CCDC85A: variants seen among roughly 807,000 people sequenced by gnomAD.
The protein encoded by CCDC85A is coiled-coil domain containing 85A.
CCDC85A carries 38 observed loss-of-function variants against 50.2 expected under a neutral mutation model. That is an observed-to-expected ratio of 0.76 (90% confidence interval 0.58 to 0.99). The LOEUF is 0.99. CCDC85A is among the 50% of genes least tolerant of loss of function. CCDC85A has a pLI of 0.00. For synonymous variants in CCDC85A, 366 were observed against 301.4 expected (o/e 1.21, Z -2.22); for missense variants, 820 against 742.0 (o/e 1.11, Z -1.22).
chr2:56,258,525 A>G (rs925120805), intron 2 of CCDC85A, among the ~76,000 whole-genome samples: 1 of 152,160 alleles, frequency 6.6e-6, no homozygotes, highest in Non-Finnish European at 1.5e-5. Context: ...GAGAGAGTCT[A>G]CCAGACTTGG....
intron 2 of CCDC85A, among the ~76,000 whole-genome samples, chr2:56,296,509 A>G (rs376971009): frequency 1.3e-5 from 2 of 152,100 alleles, no homozygotes; most frequent in Non-Finnish European, 1.5e-5. Context: ...TTTTACTTAC[A>G]TGGAGGTGAT....
At chr2:56,228,159 A>G (rs969929807) in intron 2 of CCDC85A, among the ~76,000 whole-genome samples, 8 of 152,170 alleles carry the variant, frequency 5.3e-5, no homozygotes, top group African/African-American at 1.9e-4. Flanking sequence ...TTTTCTGGCC[A>G]TGTCACCTAC....
At chr2:56,205,187 A>G (rs1214674632) in intron 2 of CCDC85A, among the ~76,000 whole-genome samples, 1 of 152,078 alleles carries the variant, frequency 6.6e-6, no homozygotes, top group Admixed American at 6.6e-5. Context: ...TTTGTACTAG[A>G]TGGGAGAGTG....
chr2:56,198,778 A>G (rs1290106639), intron 2 of CCDC85A, among the ~76,000 whole-genome samples: 1 of 152,204 alleles, frequency 6.6e-6, no homozygotes, highest in African/African-American at 2.4e-5. Flanking sequence ...TCTTTTTCCT[A>G]TGGAGATTGC....
chr2:56,252,806 G>T (rs1669824740), intron 2 of CCDC85A, among the ~76,000 whole-genome samples: 1 of 152,040 alleles, frequency 6.6e-6, no homozygotes, highest in Non-Finnish European at 1.5e-5. Context: ...TTGGTTTTCT[G>T]TTCTTGTGTT....
chr2:56,337,510 T>G (rs1674132169), intron 2 of CCDC85A, among the ~76,000 whole-genome samples: 1 of 152,184 alleles, frequency 6.6e-6, no homozygotes, highest in Non-Finnish European at 1.5e-5. Context: ...TTCTTTTCCG[T>G]CATGTGATTC....
chr2:56,249,374 A>G (rs1374856541), intron 2 of CCDC85A, among the ~76,000 whole-genome samples: 1 of 152,246 alleles, frequency 6.6e-6, no homozygotes, highest in African/African-American at 2.4e-5. Flanking sequence ...GGCCATGCCC[A>G]GTGAGATGCT....
At chr2:56,363,718 T>C (rs1675651440) in intron 3 of CCDC85A, among the ~76,000 whole-genome samples, 1 of 152,226 alleles carries the variant, frequency 6.6e-6, no homozygotes, top group East Asian at 1.9e-4. Context: ...TCTAGTTCTG[T>C]GCATGTGTTC....
At chr2:56,198,731 G>A (rs374856791) in intron 2 of CCDC85A, among the ~76,000 whole-genome samples, 1 of 152,164 alleles carries the variant, frequency 6.6e-6, no homozygotes, top group African/African-American at 2.4e-5. Context: ...ATAGCACAAT[G>A]CTATAAATGT....
rs191582820 is a variant in CCDC85A at position 56,303,085 on chromosome 2, C to T, written c.1241-39794C>T. Among the ~76,000 whole-genome samples the T allele has an allele frequency of 2.8e-3, 429 of 152,288 alleles. 4 individuals carry two copies. The highest frequency in any genetic ancestry group is 1.0e-2 in the African/African-American group (415 of 41,556). On this transcript the variant is annotated intron_variant, in intron 2 of 5. Transcript: ENST00000407595. Reference sequence around the variant, plus strand: ...ACTGTGGCTTCTTTGAATGGACTTGCTGATTTCTCCGACCTCATCCTCATC... The same window carrying T: ...ACTGTGGCTTCTTTGAATGGACTTGTTGATTTCTCCGACCTCATCCTCATC...
At chr2:56,231,304 C>T (rs895454992) in intron 2 of CCDC85A, among the ~76,000 whole-genome samples, 9 of 152,162 alleles carry the variant, frequency 5.9e-5, no homozygotes, top group Non-Finnish European at 1.0e-4. Flanking sequence ...TAAGGTGCTG[C>T]GGCCTTTTAT....
intron 3 of CCDC85A, among the ~76,000 whole-genome samples, chr2:56,363,050 G>C (rs1161191213): frequency 6.6e-6 from 1 of 152,078 alleles, no homozygotes; most frequent in East Asian, 1.9e-4. Context: ...TTTTGAATAT[G>C]ATTCAGTTAA....
At chr2:56,276,088 T>C (rs1670924010) in intron 2 of CCDC85A, among the ~76,000 whole-genome samples, 1 of 152,160 alleles carries the variant, frequency 6.6e-6, no homozygotes, top group South Asian at 2.1e-4. Flanking sequence ...GAGGGAATTT[T>C]ACATCACATG....
chr2:56,370,686 G>T (rs17190219), intron 3 of CCDC85A, among the ~76,000 whole-genome samples: 11,866 of 152,116 alleles, frequency 0.078, 596 homozygotes, highest in Non-Finnish European at 0.11. Flanking sequence ...GTAGCTAAAT[G>T]GCGCTCATGC....
intron 2 of CCDC85A, among the ~76,000 whole-genome samples, chr2:56,274,584 T>C (rs952311786): frequency 6.6e-6 from 1 of 152,194 alleles, no homozygotes; most frequent in African/African-American, 2.4e-5. Context: ...GCAATCTGCT[T>C]CACTTAAAAT....
At chr2:56,264,471 C>CAA (rs1335942873) in intron 2 of CCDC85A, among the ~76,000 whole-genome samples, 1 of 152,146 alleles carries the variant, frequency 6.6e-6, no homozygotes, top group East Asian at 1.9e-4. Context: ...AAACCACCTG[C>CAA]AAATCCTTTC....
At chr2:56,374,886 G>T (rs965459594) in intron 4 of CCDC85A, among the ~76,000 whole-genome samples, 1 of 152,192 alleles carries the variant, frequency 6.6e-6, no homozygotes, top group Non-Finnish European at 1.5e-5. Flanking sequence ...CGGGGTGTTA[G>T]ATTGATAGAA....
In CCDC85A at chr2:56,362,995, G is replaced by A. The variant is rs142814939; in HGVS notation, c.1318-9349G>A. On this transcript the variant is annotated intron_variant, in intron 3 of 5. Coordinates refer to ENST00000407595, the MANE Select transcript of CCDC85A (RefSeq NM_001080433.2). Reference sequence around the variant, plus strand: ...TACTTCAATGGACTGACTTTGCAAAGATGTTTTATATTTTGTTTTAACTCT... The same window carrying A: ...TACTTCAATGGACTGACTTTGCAAAAATGTTTTATATTTTGTTTTAACTCT... Among the ~76,000 whole-genome samples, 1,415 of 152,242 alleles carry A rather than the reference G, an allele frequency of 9.3e-3. 15 individuals carry two copies. Among genetic ancestry groups the A allele is most frequent in the Middle Eastern group, 0.031 (9 of 294 alleles).
chr2:56,383,235 G>A (rs1382174549), intron 5 of CCDC85A, among the ~76,000 whole-genome samples: 1 of 151,894 alleles, frequency 6.6e-6, no homozygotes, highest in Admixed American at 6.6e-5. Flanking sequence ...CTATTTAAAA[G>A]CAAAACCAAA....
Sources: allele counts gnomAD v4.1 joint callset (sites outside exome capture counted in the v4.1 genomes callset), GRCh38; gene constraint gnomAD v4.1.1; transcripts MANE v1.5; gene names NCBI Gene and HGNC (gene_info 2026-07-23, HGNC 2026-07-21).